COLEC11: variants seen among roughly 807,000 people sequenced by gnomAD.
The protein encoded by COLEC11 is collectin-11.
A neutral mutation model predicts 27.3 loss-of-function variants in COLEC11; 20 were observed. The ratio of observed to expected loss-of-function variants is 0.73; its 90% confidence interval spans 0.51 to 1.06. The LOEUF (loss-of-function observed/expected upper bound fraction) is 1.06. Among genes scored for constraint, COLEC11 ranks in the 50% least tolerant of loss-of-function variants. COLEC11 has a pLI of 0.00. For missense variants in COLEC11, 310 were observed against 383.0 expected (o/e 0.81, Z 1.59); for synonymous variants, 163 against 154.7 (o/e 1.05, Z -0.40).
At chr2:3,607,093 C>T (rs1315257359) in intron 2 of COLEC11, among the ~76,000 whole-genome samples, 1 of 152,160 alleles carries the variant, frequency 6.6e-6, no homozygotes, top group East Asian at 1.9e-4. Context: ...CCCACAACCC[C>T]CTGTGTTTTG....
intron 3 of COLEC11, among the ~76,000 whole-genome samples, chr2:3,619,076 G>A (rs915772695): frequency 2.6e-5 from 4 of 152,062 alleles, no homozygotes; most frequent in African/African-American, 7.2e-5. Context: ...AGTCTTTAGG[G>A]TTTTATTTAT....
intron 3 of COLEC11, among the ~76,000 whole-genome samples, chr2:3,616,101 C>T (rs1663699183): frequency 6.7e-6 from 1 of 149,952 alleles, no homozygotes; most frequent in African/African-American, 2.5e-5. Flanking sequence ...CGGGCAGAGA[C>T]ACTCCTCAGA....
chr2:3,644,134 T>A lies in COLEC11; in HGVS notation c.*16T>A. The A allele has an allele frequency of 6.2e-7, 1 of 1,605,532 alleles. No individual in the cohort carries two copies. The highest frequency in any genetic ancestry group is 1.3e-5 in the African/African-American group (1 of 75,084). On this transcript the variant is annotated 3_prime_UTR_variant, in exon 7 of 7. Transcript: ENST00000349077. ...GAACATGTGAGCCTCAGGCTGGGGC[T>A]GCCCATTGGGGGCCCCACATGTCCC...
intron 1 of COLEC11, chr2:3,601,952 C>T: frequency 6.6e-6 from 1 of 152,252 alleles, no homozygotes; most frequent in East Asian, 1.9e-4. Context: ...AGCTGCAGGG[C>T]TATCTTGGGC....
chr2:3,610,297 C>T (rs1407421162), intron 2 of COLEC11, among the ~76,000 whole-genome samples: 2 of 152,166 alleles, frequency 1.3e-5, no homozygotes, highest in African/African-American at 4.8e-5. Flanking sequence ...TGTACAAACT[C>T]CAGGAGCTTT....
chr2:3,612,254 GCATGCACA>G (rs1216279123), intron 2 of COLEC11, among the ~76,000 whole-genome samples: 1 of 150,992 alleles, frequency 6.6e-6, no homozygotes, highest in Non-Finnish European at 1.5e-5. Context: ...CCACGCACAC[GCATGCACA>G]CATGCACACA....
chr2:3,600,874 A>C (rs1434149011), intron 1 of COLEC11, among the ~76,000 whole-genome samples: 1 of 152,266 alleles, frequency 6.6e-6, no homozygotes, highest in Non-Finnish European at 1.5e-5. Context: ...TTTTGTGTGT[A>C]TCTGACATTT....
At chr2:3,603,608 C>T (rs1459149908) in intron 1 of COLEC11, 12 of 1,550,348 alleles carry the variant, frequency 7.7e-6, no homozygotes, top group East Asian at 4.9e-5. Flanking sequence ...TGAGCCACTG[C>T]GCCTGGTCTT....
At chr2:3,629,431 C>G (rs1369141878) in intron 3 of COLEC11, among the ~76,000 whole-genome samples, 1 of 152,202 alleles carries the variant, frequency 6.6e-6, no homozygotes, top group Non-Finnish European at 1.5e-5. Context: ...AGCCTAGGTG[C>G]TGACCAACTG....
At chr2:3,605,867 T>A (rs939291250) in intron 2 of COLEC11, 1 of 486,972 alleles carries the variant, frequency 2.1e-6, no homozygotes, top group Admixed American at 3.4e-5. Context: ...TGCCAGGCTG[T>A]GCAGCTCTGG....
chr2:3,613,568 C>T lies in COLEC11; in HGVS notation c.202+186C>T, dbSNP rs73138828. On this transcript the variant is annotated intron_variant, in intron 3 of 6. Transcript: ENST00000349077. ...AGGGGAGAGTGGTCCTTCAGCACTG[C>T]TCCTTGTGCTGACCTGTGGGGCTCT... 3.2e-3 allele frequency among the ~76,000 whole-genome samples: 483 copies of T among 152,252 alleles called. 2 individuals are homozygous for T. Among genetic ancestry groups the T allele is most frequent in the African/African-American group, 0.011 (468 of 41,544 alleles).
intron 2 of COLEC11, among the ~76,000 whole-genome samples, chr2:3,606,939 A>T (rs1464877805): frequency 6.6e-6 from 1 of 152,242 alleles, no homozygotes; most frequent in African/African-American, 2.4e-5. Context: ...CATTCATTAG[A>T]CAAGCGTCCG....
At chr2:3,600,429 C>A (rs1250027159) in intron 1 of COLEC11, among the ~76,000 whole-genome samples, 1 of 152,078 alleles carries the variant, frequency 6.6e-6, no homozygotes, top group East Asian at 1.9e-4. Flanking sequence ...GTGGTACATG[C>A]CTGTAGTCTC....
At chr2:3,603,941 G>C (rs1662430401) in intron 1 of COLEC11, 2 of 572,970 alleles carry the variant, frequency 3.5e-6, no homozygotes, top group Admixed American at 3.0e-5. Flanking sequence ...GCTGTGCCCA[G>C]CTCTGCAGAG....
intron 2 of COLEC11, chr2:3,606,176 G>T: frequency 6.4e-7 from 1 of 1,550,528 alleles, no homozygotes; most frequent in South Asian, 1.2e-5. Context: ...GGCTGTGGAG[G>T]TCACGTCCCT....
intron 1 of COLEC11, among the ~76,000 whole-genome samples, chr2:3,603,153 CGCCACGGCTCTT>C (rs1307584114): frequency 2.6e-5 from 4 of 152,132 alleles, no homozygotes; most frequent in African/African-American, 9.7e-5. Flanking sequence ...AGTCCCAGCT[CGCCACGGCTCTT>C]TATCAGCTGT....
intron 3 of COLEC11, among the ~76,000 whole-genome samples, chr2:3,613,980 C>CTTTTTTTTTTTTTTTTTTT (rs57071680): frequency 7.6e-6 from 1 of 131,132 alleles, no homozygotes; most frequent in African/African-American, 2.9e-5. Context: ...TTCTTTCTTT[C>CTTTTTTTTTTTTTTTTTTT]TTTTTTTTTT....
intron 3 of COLEC11, among the ~76,000 whole-genome samples, chr2:3,619,062 G>A (rs1445656694): frequency 1.3e-5 from 2 of 152,130 alleles, no homozygotes; most frequent in African/African-American, 4.8e-5. Flanking sequence ...CCAGTTTTTA[G>A]TGGAGTCTTT....
rs900573769 is a variant in COLEC11 at position 3,602,868 on chromosome 2, C to G, written c.-26-1447C>G. On this transcript the variant is annotated intron_variant, in intron 1 of 6. Transcript: ENST00000349077. The surrounding 1 kb of genome is among the most constrained non-coding windows in gnomAD (Gnocchi z 6.2). ...CCATCCTGAACAGCAGCATGTGTCC[C>G]GGCCACTGGACTCTGCCTCACTCTT... 1.3e-5 allele frequency among the ~76,000 whole-genome samples: 2 copies of G among 152,208 alleles called. No homozygotes were observed. Among genetic ancestry groups the G allele is most frequent in the Non-Finnish European group, 1.5e-5 (1 of 68,048 alleles).
Sources: gnomAD v4.1 joint callset for allele counts (sites outside exome capture counted in the v4.1 genomes callset) on GRCh38, gnomAD v4.1.1 for gene constraint, Gnocchi (gnomAD v3.1) non-coding constraint, MANE v1.5 for transcripts, NCBI Gene and HGNC (gene_info 2026-07-23, HGNC 2026-07-21) for gene names.